Variants in FAM162B observed in about 807,000 individuals in gnomAD.
The protein encoded by FAM162B is family with sequence similarity 162 member B.
In FAM162B, 16 loss-of-function variants were observed where a neutral mutation model predicts 20.0. The observed-to-expected ratio is 0.80, with a 90% CI of 0.54 to 1.21. FAM162B has a LOEUF of 1.21. FAM162B is among the 50% of genes most tolerant of loss of function. The pLI is 0.00. For missense variants in FAM162B, 260 were observed against 227.5 expected, an observed-to-expected ratio of 1.14 and a Z score of -0.92; for synonymous variants, 83 against 89.7, an observed-to-expected ratio of 0.93 and a Z score of 0.42.
intron 3 of FAM162B, among the ~76,000 whole-genome samples, chr6:116,755,558 T>G (rs1262147719): frequency 1.3e-5 from 2 of 152,238 alleles, no homozygotes; most frequent in South Asian, 4.1e-4. Flanking sequence ...AGATCTATTA[T>G]AGCTAATTTT....
chr6:116,754,586 T>C (rs1324647575), intron 3 of FAM162B, among the ~76,000 whole-genome samples: 2 of 152,026 alleles, frequency 1.3e-5, no homozygotes, highest in African/African-American at 4.8e-5. Flanking sequence ...ATGTCAGGAG[T>C]TGGAGATATC....
At chr6:116,758,779 G>A (rs1780082563) in intron 3 of FAM162B, among the ~76,000 whole-genome samples, 1 of 151,988 alleles carries the variant, frequency 6.6e-6, no homozygotes, top group Admixed American at 6.6e-5. Flanking sequence ...ATCATTTCTT[G>A]ACTAATTTAT....
chr6:116,762,796 T>C (rs1771818813), intron 2 of FAM162B, among the ~76,000 whole-genome samples: 1 of 152,168 alleles, frequency 6.6e-6, no homozygotes, highest in African/African-American at 2.4e-5. Flanking sequence ...ATTTTAATAA[T>C]ACTACTTACA....
chr6:116,759,054 C>G (rs1041095747), intron 3 of FAM162B, among the ~76,000 whole-genome samples: 3 of 151,970 alleles, frequency 2.0e-5, no homozygotes, highest in African/African-American at 7.2e-5. Context: ...AAAACAAATC[C>G]TATTGCTATT....
chr6:116,764,729 C>T (rs1187132928), intron 2 of FAM162B, among the ~76,000 whole-genome samples: 2 of 152,180 alleles, frequency 1.3e-5, no homozygotes, highest in Admixed American at 6.5e-5. Flanking sequence ...GATCAGAGAA[C>T]CCCTTCCTTG....
chr6:116,761,638 A>G (rs1030202977), intron 3 of FAM162B, among the ~76,000 whole-genome samples: 4 of 146,908 alleles, frequency 2.7e-5, no homozygotes, highest in African/African-American at 9.9e-5. Flanking sequence ...ATATATACAT[A>G]TATATACACT....
intron 3 of FAM162B, among the ~76,000 whole-genome samples, chr6:116,755,386 T>G (rs1381395708): frequency 2.0e-5 from 3 of 152,076 alleles, no homozygotes; most frequent in Admixed American, 2.0e-4. Flanking sequence ...CCTAACTGTC[T>G]TCAGTTCTGT....
At position 116,765,238 on chromosome 6, in the gene FAM162B, G is replaced by A. The variant is rs764374762; in HGVS notation, c.190C>T (p.Pro64Ser). 1.9e-6 allele frequency: 3 copies of A among 1,613,732 alleles called. No homozygotes were observed. The highest frequency in any genetic ancestry group is 1.1e-5 in the South Asian group (1 of 91,084). ...AACTGCGAAGGCCTGCGCTGCGTGGGGACTCGGTGAATCTCCCCTGCAGCG... is the reference window on the plus strand; with the variant it reads ...AACTGCGAAGGCCTGCGCTGCGTGGAGACTCGGTGAATCTCCCCTGCAGCG... ...PQGHGEIHRV[P>S]TQRRPSQFDK... Residue 64 changes from proline to serine, a missense_variant, in exon 2 of 4, where the codon CCC (proline) becomes TCC (serine). Physicochemically the swap from Pro to Ser is moderately conservative, Grantham distance 74 (BLOSUM62 -1). Transcript: ENST00000368557.
chr6:116,761,623 CACATATATAT>C (rs997328068), intron 3 of FAM162B, among the ~76,000 whole-genome samples: 17 of 145,142 alleles, frequency 1.2e-4, no homozygotes, highest in African/African-American at 3.5e-4. Context: ...TATATATATA[CACATATATAT>C]ACATATATAT....
rs1480744963 is a variant in FAM162B, at chr6:116,752,377, A to G, written c.*220T>C. ...CAGTGGTTACACAGGTGTTCACGAC[A>G]TAAATATCTATCAGACTGTATACAG... is the stretch of plus-strand genomic sequence containing the variant. On this transcript the variant is annotated 3_prime_UTR_variant, in exon 4 of 4. Transcript: ENST00000368557. 4 of 193,736 alleles carry G rather than the reference A, an allele frequency of 2.1e-5. No homozygotes were observed. Among genetic ancestry groups the G allele is most frequent in the East Asian group, 1.1e-4 (1 of 8,932 alleles). The allele number at this position is 193,736 out of a possible 1,614,324, so 12.0% of individuals were successfully genotyped here. A position where few individuals can be genotyped will look rare whatever the true frequency, so the allele number is the denominator to read the frequency against.
At position 116,765,212 on chromosome 6, in the gene FAM162B, G is replaced by A; in HGVS notation, c.216C>T (p.Phe72=). The change falls in exon 2 of 4, where the codon TTC becomes TTT. Residue 72 remains phenylalanine (F), a synonymous_variant. Transcript: ENST00000368557. ...RVPTQRRPSQ[F]DKKILLWTGR... Reference sequence around the variant, plus strand: ...CTGTCCACAGCAGGATTTTCTTGTCGAACTGCGAAGGCCTGCGCTGCGTGG... The same window carrying A: ...CTGTCCACAGCAGGATTTTCTTGTCAAACTGCGAAGGCCTGCGCTGCGTGG... 1 of 1,613,888 alleles carries A rather than the reference G, an allele frequency of 6.2e-7. No homozygotes were observed. Among genetic ancestry groups the A allele is most frequent in the Non-Finnish European group, 8.5e-7 (1 of 1,179,966 alleles).
In FAM162B at chr6:116,752,455, A is replaced by T. The variant is rs1403682436; in HGVS notation, c.*142T>A. 2.9e-6 allele frequency: 1 copy of T among 340,040 alleles called. No individual in the cohort carries two copies. Among genetic ancestry groups the T allele is most frequent in the Admixed American group, 4.1e-5 (1 of 24,302 alleles). 21.1% of individuals were successfully genotyped at this position (340,040 alleles called of 1,614,324 possible). A position where few individuals can be genotyped will look rare whatever the true frequency, so the allele number is the denominator to read the frequency against. Reference sequence around the variant, plus strand: ...TACTTCAGTAAAAGTTTACTAAAAAATAAAAATAAAAAAGACATTGTGCTT... The same window carrying T: ...TACTTCAGTAAAAGTTTACTAAAAATTAAAAATAAAAAAGACATTGTGCTT... On this transcript the variant is annotated 3_prime_UTR_variant, in exon 4 of 4. Transcript: ENST00000368557.
At chr6:116,759,554 G>A (rs906072990) in intron 3 of FAM162B, among the ~76,000 whole-genome samples, 17 of 151,708 alleles carry the variant, frequency 1.1e-4, no homozygotes, top group Non-Finnish European at 1.2e-4. Flanking sequence ...TGATCCGCCC[G>A]CCTCGGCCTC....
chr6:116,765,687 C>T lies in FAM162B; in HGVS notation c.-111G>A, dbSNP rs1190371100. The T allele has an allele frequency of 1.2e-5, 14 of 1,177,154 alleles. No homozygotes were observed. Among genetic ancestry groups the T allele is most frequent in the Non-Finnish European group, 1.5e-5 (14 of 937,764 alleles). The allele number at this position is 1,177,154 out of a possible 1,614,324, so 72.9% of individuals were successfully genotyped here. A position where few individuals can be genotyped will look rare whatever the true frequency, so the allele number is the denominator to read the frequency against. ...CTGCCGCGCGCTGGAGAGCCTGGGA[C>T]GTGCAGCTGGAACCCCTGGCGCTCG... On this transcript the variant is annotated 5_prime_UTR_variant, in exon 1 of 4. Coordinates refer to ENST00000368557, the MANE Select transcript of FAM162B (RefSeq NM_001085480.3).
chr6:116,761,670 A>ATG lies in FAM162B; in HGVS notation c.390+306_390+307insCA. ...CACTTATATATATACTTATATATAT[A>ATG]CTTATATATACATATATACATATAT... On this transcript the variant is annotated intron_variant, in intron 3 of 3. Transcript: ENST00000368557. Among the ~76,000 whole-genome samples, 3 of 140,554 alleles carry ATG rather than the reference A, an allele frequency of 2.1e-5. No homozygotes were observed. The South Asian group carries it at 6.6e-4, about 31-fold the overall frequency. 92.2% of individuals were successfully genotyped at this position (140,554 alleles called of 152,430 possible).
chr6:116,762,725 C>G (rs1165768259), intron 2 of FAM162B, among the ~76,000 whole-genome samples: 1 of 152,008 alleles, frequency 6.6e-6, no homozygotes, highest in Non-Finnish European at 1.5e-5. Context: ...TATTATTATA[C>G]TGAAATTTGA....
intron 3 of FAM162B, among the ~76,000 whole-genome samples, chr6:116,759,488 T>C (rs1780109030): frequency 1.3e-5 from 2 of 151,426 alleles, no homozygotes; most frequent in Non-Finnish European, 2.9e-5. Flanking sequence ...TTTTTTTTTT[T>C]AGTAGTGACG....
chr6:116,765,072 G>T (rs899484136), intron 2 of FAM162B, 75 bp downstream of exon 2: 2 of 1,447,144 alleles, frequency 1.4e-6, no homozygotes, highest in Non-Finnish European at 1.9e-6. Context: ...AGGTGGCCGC[G>T]GTCGGAAGGT....
chr6:116,757,148 A>G (rs993862227), intron 3 of FAM162B, among the ~76,000 whole-genome samples: 18 of 152,216 alleles, frequency 1.2e-4, no homozygotes, highest in African/African-American at 4.3e-4. Flanking sequence ...AGGGAGGGTA[A>G]GAAATTACTG....
Sources: gnomAD v4.1 joint callset for allele counts (sites outside exome capture counted in the v4.1 genomes callset) on GRCh38, gnomAD v4.1.1 for gene constraint, MANE v1.5 for transcripts, NCBI Gene and HGNC (gene_info 2026-07-23, HGNC 2026-07-21) for gene names.